DPF3: variants seen among roughly 807,000 people sequenced by gnomAD.
DPF3 encodes double PHD fingers 3, also known as zinc finger protein DPF3.
DPF3 carries 18 observed loss-of-function variants against 56.8 expected under a neutral mutation model. That is an observed-to-expected ratio of 0.32 (90% CI 0.22 to 0.47). The LOEUF is 0.47. Among genes scored for constraint, DPF3 ranks in the 20% least tolerant of loss-of-function variants. The pLI is 1.00. For synonymous variants in DPF3, 188 were observed against 180.2 expected, an observed-to-expected ratio of 1.04 and a Z score of -0.35; for missense variants, 403 against 488.8, an observed-to-expected ratio of 0.82 and a Z score of 1.65.
At chr14:72,767,340 G>A (rs1260304525) in intron 2 of DPF3, among the ~76,000 whole-genome samples, 8 of 152,126 alleles carry the variant, frequency 5.3e-5, no homozygotes, top group Admixed American at 2.0e-4. Context: ...TAACAAAAAT[G>A]TTAGAATTAT....
chr14:72,643,836 TAAGA>T (rs1885634002), intron 8 of DPF3, among the ~76,000 whole-genome samples: 1 of 152,184 alleles, frequency 6.6e-6, no homozygotes. Flanking sequence ...TCACCTTGTC[TAAGA>T]AAGGAACAAA....
chr14:72,852,621 G>A (rs1885026030), intron 1 of DPF3, among the ~76,000 whole-genome samples: 2 of 152,158 alleles, frequency 1.3e-5, no homozygotes, highest in Admixed American at 6.5e-5. Flanking sequence ...ACATTCTCAC[G>A]TTATACATTT....
chr14:72,818,118 G>A (rs1883368211), intron 1 of DPF3, among the ~76,000 whole-genome samples: 1 of 152,018 alleles, frequency 6.6e-6, no homozygotes, highest in African/African-American at 2.4e-5. Flanking sequence ...GTACACACAT[G>A]TAATCCCAGC....
chr14:72,620,103 G>C, intron 9 of DPF3, 119 bp from the exon 10 acceptor site: 1 of 1,035,180 alleles, frequency 9.7e-7, no homozygotes, highest in Non-Finnish European at 1.3e-6. Flanking sequence ...CCCCTTTCCA[G>C]GCCCCACTTG....
chr14:72,805,106 C>A (rs886697911), intron 1 of DPF3, among the ~76,000 whole-genome samples: 4 of 68,094 alleles, frequency 5.9e-5, no homozygotes, highest in Admixed American at 5.3e-4. Context: ...ATACAAGGTG[C>A]AGCCCCAGCC....
At chr14:72,735,085 C>G (rs1394120631) in intron 3 of DPF3, among the ~76,000 whole-genome samples, 2 of 152,098 alleles carry the variant, frequency 1.3e-5, no homozygotes, top group African/African-American at 2.4e-5. Flanking sequence ...TGCCTTCAGA[C>G]CCAGTCACCT....
rs147162140 is a variant in DPF3, at chr14:72,840,326, C to T, written c.32+53731G>A. On this transcript the variant is annotated intron_variant, in intron 1 of 10. Coordinates refer to ENST00000556509, the MANE Select transcript of DPF3 (RefSeq NM_001280542.3). ...GTTTGATTTTTTTTATTTATTTATACACATAATTCTGTGCATTCCTTTATG... is the reference window on the plus strand; with the variant it reads ...GTTTGATTTTTTTTATTTATTTATATACATAATTCTGTGCATTCCTTTATG... 3.9e-5 allele frequency among the ~76,000 whole-genome samples: 6 copies of T among 152,228 alleles called. No individual in the cohort carries two copies. The East Asian group carries it at 1.2e-3, about 29-fold the overall frequency.
chr14:72,877,500 C>T (rs1181488359), intron 1 of DPF3, among the ~76,000 whole-genome samples: 1 of 152,130 alleles, frequency 6.6e-6, no homozygotes, highest in Non-Finnish European at 1.5e-5. Context: ...AAATGACCAG[C>T]AGGATGGGGA....
intron 5 of DPF3, among the ~76,000 whole-genome samples, chr14:72,722,550 G>C (rs1889219698): frequency 1.3e-5 from 2 of 152,198 alleles, no homozygotes; most frequent in African/African-American, 4.8e-5. Flanking sequence ...AGAACCACAA[G>C]AGTGGAGAGC....
chr14:72,799,761 G>C (rs1414673602), intron 1 of DPF3, among the ~76,000 whole-genome samples: 1 of 152,124 alleles, frequency 6.6e-6, no homozygotes, highest in Non-Finnish European at 1.5e-5. Context: ...AACTTCTGGG[G>C]GAAAGAGGCA....
intron 2 of DPF3, 73 bp from the exon 3 acceptor site, chr14:72,753,444 C>CT: frequency 8.1e-7 from 1 of 1,242,040 alleles, no homozygotes; most frequent in Non-Finnish European, 1.1e-6. Context: ...CTGACTAACC[C>CT]CGTCATTCAC....
chr14:72,782,895 T>C (rs1209726116), intron 1 of DPF3, among the ~76,000 whole-genome samples: 3 of 151,800 alleles, frequency 2.0e-5, no homozygotes, highest in Non-Finnish European at 2.9e-5. Flanking sequence ...CTCCAATGTC[T>C]TCTCACTGCA....
In DPF3 at chr14:72,744,668, C is replaced by T. The variant is rs553915167; in HGVS notation, c.301+8596G>A. Among the ~76,000 whole-genome samples, 35 of 152,200 alleles carry T rather than the reference C, an allele frequency of 2.3e-4. 1 individual carries two copies. In the South Asian group the frequency reaches 7.1e-3, roughly 31 times the overall value. On this transcript the variant is annotated intron_variant, in intron 3 of 10. Coordinates refer to ENST00000556509, the MANE Select transcript of DPF3 (RefSeq NM_001280542.3). ...CTGACCTGGTTTCCTGACACAGCTC[C>T]GCAGACCTGAGCTCAGAGAAAACTC... is the stretch of plus-strand genomic sequence containing the variant.
At chr14:72,807,119 A>T (rs1455328478) in intron 1 of DPF3, among the ~76,000 whole-genome samples, 3 of 152,204 alleles carry the variant, frequency 2.0e-5, no homozygotes, top group African/African-American at 7.2e-5. Flanking sequence ...GAAACCTCAA[A>T]GCAGGCCCAC....
rs1884008835 is a variant in DPF3 at position 72,615,026 on chromosome 14, G to A, written c.*4271C>T. On this transcript the variant is annotated 3_prime_UTR_variant, in exon 11 of 11. Transcript: ENST00000556509. ...CCAGGAGCCAGGCCTGGGACTTGCG[G>A]CATCCTGTGGGAGTGTGAGCGTGGC... Among the ~76,000 whole-genome samples, 1 of 152,096 alleles carries A rather than the reference G, an allele frequency of 6.6e-6. No individual in the cohort carries two copies. Among genetic ancestry groups the A allele is most frequent in the South Asian group, 2.1e-4 (1 of 4,826 alleles).
At chr14:72,872,325 G>A (rs940469461) in intron 1 of DPF3, among the ~76,000 whole-genome samples, 1 of 152,182 alleles carries the variant, frequency 6.6e-6, no homozygotes, top group East Asian at 1.9e-4. Flanking sequence ...GGGTCTTGAG[G>A]ATTAACATTA....
chr14:72,756,906 A>AAAAGAAAGAAAGAAAG (rs1233456651), intron 2 of DPF3, among the ~76,000 whole-genome samples: 3,764 of 74,506 alleles, frequency 0.051, 162 homozygotes, highest in East Asian at 0.063. Flanking sequence ...AGAAAAGAAA[A>AAAAGAAAGAAAGAAAG]AAAGAAAGAA....
chr14:72,609,226 A>G lies in DPF3; in HGVS notation c.*10071T>C, dbSNP rs916413954. Among the ~76,000 whole-genome samples, 8 of 152,286 alleles carry G rather than the reference A, an allele frequency of 5.3e-5. No individual in the cohort carries two copies. The highest frequency in any genetic ancestry group is 2.1e-4 in the South Asian group (1 of 4,816). On this transcript the variant is annotated 3_prime_UTR_variant, in exon 11 of 11. Coordinates refer to ENST00000556509, the MANE Select transcript of DPF3 (RefSeq NM_001280542.3). ...GGATATCGAGGGGTCCCAAAGAAGA[A>G]GGCTGCTCGATCCCCACATTCTTCA...
intron 1 of DPF3, among the ~76,000 whole-genome samples, chr14:72,884,209 T>G (rs1445329306): frequency 2.6e-5 from 4 of 152,122 alleles, no homozygotes; most frequent in Admixed American, 1.3e-4. Flanking sequence ...AAATGAGGGT[T>G]TCCCCTGAGC....
Sources: allele counts gnomAD v4.1 joint callset (sites outside exome capture counted in the v4.1 genomes callset), GRCh38; gene constraint gnomAD v4.1.1; transcripts MANE v1.5; gene names NCBI Gene and HGNC (gene_info 2026-07-23, HGNC 2026-07-21).